The following FHOD3 variants were observed in gnomAD, a reference collection of about 807,000 sequenced individuals.
FHOD3 encodes the protein FH1/FH2 domain-containing protein 3.
FHOD3 carries 90 observed loss-of-function variants against 173.0 expected under a neutral mutation model. The ratio of observed to expected loss-of-function variants is 0.52; its 90% CI spans 0.44 to 0.62. The LOEUF is 0.62. Among genes scored for constraint, FHOD3 ranks in the 20% least tolerant of loss-of-function variants. The pLI is 0.00. For synonymous variants in FHOD3, 828 were observed against 823.0 expected (o/e 1.01, Z -0.10); for missense variants, 1,945 against 2,034.7 (o/e 0.96, Z 0.85).
intron 20 of FHOD3, among the ~76,000 whole-genome samples, chr18:36,736,418 T>G (rs2041634451): frequency 6.6e-6 from 1 of 152,232 alleles, no homozygotes; most frequent in African/African-American, 2.4e-5. Context: ...AGCTCTTGTT[T>G]AGCGTCCAGA....
chr18:36,758,913 G>C (rs986906132), intron 25 of FHOD3, among the ~76,000 whole-genome samples: 1 of 152,186 alleles, frequency 6.6e-6, no homozygotes, highest in African/African-American at 2.4e-5. Context: ...GGGTGATCTT[G>C]GAGTTCACAC....
chr18:36,516,509 C>T (rs935045214), intron 5 of FHOD3, among the ~76,000 whole-genome samples: 4 of 152,124 alleles, frequency 2.6e-5, no homozygotes, highest in Admixed American at 6.6e-5. Flanking sequence ...GTGAGAGCCC[C>T]GTGTGGGAGA....
chr18:36,779,984 T>G lies in FHOD3; in HGVS notation c.*454T>G, dbSNP rs2043961577. The stretch of plus-strand genomic sequence containing the variant: ...TTGTTTACCTGTTGTGGATTTTAGA[T>G]GTAACAAATGTTTATACAAATACAT... On this transcript the variant is annotated 3_prime_UTR_variant, in exon 29 of 29. Transcript: ENST00000590592. 4.0e-6 allele frequency: 2 copies of G among 498,568 alleles called. No homozygotes were observed. The highest frequency in any genetic ancestry group is 2.0e-4 in the South Asian group (2 of 9,758). 30.9% of individuals were successfully genotyped at this position (498,568 alleles called of 1,614,324 possible).
intron 17 of FHOD3, among the ~76,000 whole-genome samples, chr18:36,701,912 T>C (rs928883008): frequency 1.3e-5 from 2 of 152,212 alleles, no homozygotes; most frequent in Admixed American, 1.3e-4. Flanking sequence ...ATCTCTGAAG[T>C]CATCTTCAGT....
chr18:36,473,886 G>C (rs1471698462), intron 3 of FHOD3, among the ~76,000 whole-genome samples: 1 of 152,190 alleles, frequency 6.6e-6, no homozygotes, highest in Admixed American at 6.5e-5. Context: ...TTTCACTCCT[G>C]AACACACTTT....
intron 28 of FHOD3, among the ~76,000 whole-genome samples, chr18:36,771,692 C>G (rs566560970): frequency 6.6e-6 from 1 of 152,340 alleles, no homozygotes; most frequent in East Asian, 1.9e-4. Context: ...CCAGTTAACT[C>G]CTGGTCTTTC....
intron 20 of FHOD3, among the ~76,000 whole-genome samples, chr18:36,738,778 C>T (rs1056877637): frequency 6.6e-6 from 1 of 152,310 alleles, no homozygotes; most frequent in Non-Finnish European, 1.5e-5. Flanking sequence ...TCTGCTCTGT[C>T]CCATCGATCT....
intron 1 of FHOD3, among the ~76,000 whole-genome samples, chr18:36,306,422 G>A (rs2092099350): frequency 6.6e-6 from 1 of 152,208 alleles, no homozygotes; most frequent in African/African-American, 2.4e-5. Context: ...GAGGCTTCCT[G>A]CTTGCCTTAG....
chr18:36,446,737 C>G (rs767782867), intron 3 of FHOD3, among the ~76,000 whole-genome samples: 3 of 152,036 alleles, frequency 2.0e-5, no homozygotes, highest in Admixed American at 1.3e-4. Flanking sequence ...CCCCACCTGC[C>G]CCCAGTGCTC....
intron 3 of FHOD3, among the ~76,000 whole-genome samples, chr18:36,420,470 G>A (rs575898752): frequency 2.0e-5 from 3 of 152,292 alleles, no homozygotes; most frequent in Admixed American, 1.3e-4. Context: ...CCCACACCTG[G>A]TGATGCACCA....
chr18:36,557,896 C>T lies in FHOD3; in HGVS notation c.512-18555C>T, dbSNP rs140999004. ...CCTTTAAGGTATTATTTTTAAGATT[C>T]GTTAGGTGAAACCAGAGAAGCATTG... On this transcript the variant is annotated intron_variant, in intron 5 of 28. Transcript: ENST00000590592. Among the ~76,000 whole-genome samples, 206 of 152,270 alleles carry T rather than the reference C, an allele frequency of 1.4e-3. 3 individuals carry two copies. Among genetic ancestry groups the T allele is most frequent in the Non-Finnish European group, 5.3e-4 (36 of 68,038 alleles).
In FHOD3 at chr18:36,532,229, T is replaced by TG. The variant is rs755646254; in HGVS notation, c.511+19688dup. 2.6e-4 allele frequency among the ~76,000 whole-genome samples: 40 copies of TG among 152,286 alleles called. 2 individuals carry two copies. In the East Asian group the frequency reaches 4.1e-3, roughly 15 times the overall value. ...AGACTTGGAGTACACCAAGAAAGTATGGAGTATCTCTTTCTCAGTGAGTGT... is the reference window on the plus strand; with the variant it reads ...AGACTTGGAGTACACCAAGAAAGTATGGGAGTATCTCTTTCTCAGTGAGTGT... On this transcript the variant is annotated intron_variant, in intron 5 of 28. Transcript: ENST00000590592.
chr18:36,344,222 T>G (rs1231758073), intron 1 of FHOD3, among the ~76,000 whole-genome samples: 1 of 152,114 alleles, frequency 6.6e-6, no homozygotes, highest in East Asian at 1.9e-4. Context: ...CAAAAGGAAA[T>G]TATTATAGAT....
intron 1 of FHOD3, among the ~76,000 whole-genome samples, chr18:36,347,183 TGA>T (rs2045916936): frequency 6.6e-6 from 1 of 152,224 alleles, no homozygotes; most frequent in Non-Finnish European, 1.5e-5. Context: ...ATTTTCAACT[TGA>T]ATAAAGTGAA....
intron 16 of FHOD3, chr18:36,692,907 G>T (rs1294829676): frequency 5.2e-6 from 2 of 381,162 alleles, no homozygotes; most frequent in East Asian, 1.0e-4. Context: ...TTGCTGTTTT[G>T]CTTATTTACA....
chr18:36,748,382 A>AAC (rs532609709), intron 24 of FHOD3, among the ~76,000 whole-genome samples: 36,012 of 143,346 alleles, frequency 0.25, 4,392 homozygotes, highest in Middle Eastern at 0.34. Context: ...ACACACACAC[A>AAC]ACACACACAC....
intron 5 of FHOD3, among the ~76,000 whole-genome samples, chr18:36,533,208 C>A (rs946885938): frequency 6.6e-6 from 1 of 152,258 alleles, no homozygotes; most frequent in Non-Finnish European, 1.5e-5. Flanking sequence ...ACAGTTTCCT[C>A]ATCTGCAAAC....
intron 24 of FHOD3, among the ~76,000 whole-genome samples, chr18:36,748,492 A>C (rs1782730733): frequency 6.6e-6 from 1 of 152,042 alleles, no homozygotes; most frequent in Non-Finnish European, 1.5e-5. Flanking sequence ...AAAGCTGTTG[A>C]GCTTGGTTAT....
chr18:36,742,711 T>C (rs1266809634), intron 21 of FHOD3, 26 bp from the exon 22 acceptor site: 2 of 1,600,368 alleles, frequency 1.2e-6, no homozygotes, highest in South Asian at 2.3e-5. Context: ...ACACTCTTTA[T>C]TGTCTAATTT....
Sources: allele counts gnomAD v4.1 joint callset (sites outside exome capture counted in the v4.1 genomes callset), GRCh38; gene constraint gnomAD v4.1.1; transcripts MANE v1.5; gene names NCBI Gene and HGNC (gene_info 2026-07-23, HGNC 2026-07-21).